The following SRPK2 variants were observed in gnomAD, a reference collection of about 807,000 sequenced individuals.
The protein encoded by SRPK2 is SFRS protein kinase 2.
In SRPK2, 21 loss-of-function variants were observed where a neutral mutation model predicts 90.8. The observed-to-expected ratio is 0.23, with a 90% CI of 0.16 to 0.33. The LOEUF (loss-of-function observed/expected upper bound fraction) is 0.33. Among genes scored for constraint, SRPK2 ranks in the 10% least tolerant of loss-of-function variants. The pLI, the probability that SRPK2 is intolerant of heterozygous loss-of-function variation, is 1.00. For missense variants in SRPK2, 620 were observed against 869.0 expected (o/e 0.71, Z 3.60); for synonymous variants, 288 against 311.1 (o/e 0.93, Z 0.78).
chr7:105,287,118 G>A (rs879837409), intron 2 of SRPK2, among the ~76,000 whole-genome samples: 17 of 151,126 alleles, frequency 1.1e-4, no homozygotes, highest in South Asian at 8.4e-4. Context: ...AAAATTAGCC[G>A]GGCGTAGTGG....
intron 2 of SRPK2, among the ~76,000 whole-genome samples, chr7:105,313,290 C>G (rs772040152): frequency 2.7e-5 from 4 of 150,872 alleles, no homozygotes; most frequent in African/African-American, 9.8e-5. Flanking sequence ...TACCAAAATA[C>G]AAAAAAATTA....
chr7:105,383,609 G>A (rs775331369), intron 2 of SRPK2, among the ~76,000 whole-genome samples: 3 of 150,912 alleles, frequency 2.0e-5, no homozygotes, highest in African/African-American at 4.9e-5. Context: ...TAGTAGAGAC[G>A]GGGTTTCACC....
At chr7:105,234,201 A>G (rs1198254887) in intron 2 of SRPK2, among the ~76,000 whole-genome samples, 4 of 152,212 alleles carry the variant, frequency 2.6e-5, no homozygotes, top group African/African-American at 4.8e-5. Context: ...GAAAAAGACT[A>G]CAAAGATTTA....
intron 2 of SRPK2, among the ~76,000 whole-genome samples, chr7:105,295,759 A>G (rs557882721): frequency 6.6e-6 from 1 of 152,304 alleles, no homozygotes; most frequent in African/African-American, 2.4e-5. Context: ...TGTGGTTAAG[A>G]TGGTTTTATG....
intron 3 of SRPK2, among the ~76,000 whole-genome samples, chr7:105,182,428 C>T (rs1792989791): frequency 6.8e-6 from 1 of 148,102 alleles, no homozygotes; most frequent in Admixed American, 6.8e-5. Flanking sequence ...TTGTGCAAAA[C>T]TTGTGACTTT....
intron 2 of SRPK2, among the ~76,000 whole-genome samples, chr7:105,294,283 C>CA (rs1169013395): frequency 6.6e-6 from 1 of 152,202 alleles, no homozygotes. Flanking sequence ...ACTCAGTATT[C>CA]AACATTTTGT....
chr7:105,324,373 A>G (rs1404004215), intron 2 of SRPK2, among the ~76,000 whole-genome samples: 2 of 151,308 alleles, frequency 1.3e-5, no homozygotes, highest in Admixed American at 6.6e-5. Flanking sequence ...CCCAGGCTGG[A>G]GTGCAATGGC....
At chr7:105,203,584 C>T in intron 3 of SRPK2, 44 bp downstream of exon 3, 1 of 1,454,846 alleles carries the variant, frequency 6.9e-7, no homozygotes, top group Admixed American at 2.6e-5. Flanking sequence ...CTACACAGCC[C>T]AATGGGGAAG....
At chr7:105,157,993 G>A (rs563298765) in intron 7 of SRPK2, among the ~76,000 whole-genome samples, 1 of 152,308 alleles carries the variant, frequency 6.6e-6, no homozygotes, top group African/African-American at 2.4e-5. Context: ...TAGAGCCCAG[G>A]AGGCCAAGGC....
At chr7:105,258,394 G>T (rs1295784143) in intron 2 of SRPK2, among the ~76,000 whole-genome samples, 4 of 133,900 alleles carry the variant, frequency 3.0e-5, no homozygotes, top group Non-Finnish European at 4.7e-5. Flanking sequence ...TCCAACCTGG[G>T]TAACAAGAGC....
At chr7:105,251,423 TG>T (rs2129631218) in intron 2 of SRPK2, among the ~76,000 whole-genome samples, 1 of 152,230 alleles carries the variant, frequency 6.6e-6, no homozygotes, top group East Asian at 1.9e-4. Context: ...AGGCTGGTCT[TG>T]AACTCCTGGG....
At chr7:105,200,895 C>A (rs1454166154) in intron 3 of SRPK2, among the ~76,000 whole-genome samples, 1 of 152,198 alleles carries the variant, frequency 6.6e-6, no homozygotes, top group Non-Finnish European at 1.5e-5. Flanking sequence ...ATGGACAACA[C>A]TGGGCAACTG....
intron 3 of SRPK2, among the ~76,000 whole-genome samples, chr7:105,191,933 T>C (rs1428715209): frequency 6.6e-6 from 1 of 151,924 alleles, no homozygotes; most frequent in East Asian, 1.9e-4. Context: ...CCAGGCTGTC[T>C]TGAACTCCTG....
intron 2 of SRPK2, among the ~76,000 whole-genome samples, chr7:105,289,001 A>C (rs1585551442): frequency 6.6e-6 from 1 of 151,896 alleles, no homozygotes; most frequent in Admixed American, 6.6e-5. Flanking sequence ...TCACGCCTGT[A>C]ATCTCAGCAC....
At chr7:105,368,320 C>T (rs1819310667) in intron 2 of SRPK2, among the ~76,000 whole-genome samples, 2 of 152,262 alleles carry the variant, frequency 1.3e-5, no homozygotes, top group Middle Eastern at 3.4e-3. Flanking sequence ...CATGATAAAA[C>T]CGTGCAGGTC....
Position 105,143,113 on chromosome 7 carries a change from G to T in SRPK2, c.1031C>A (p.Ala344Glu). Residue 344 changes from alanine to glutamate, a missense_variant, in exon 10 of 16, where the codon GCG becomes GAG. This residue lies in a region of SRPK2 where 243 missense variants were observed against 245.7 expected (regional missense o/e 0.99). Coordinates refer to ENST00000393651, the MANE Select transcript of SRPK2 (RefSeq NM_182692.3). Reference sequence around the variant, plus strand: ...GTCCTTTGCAGTCTCTGCCTCAGCCGCCTCCTCTAATCCTGTTGTTTTTAG... The same window carrying T: ...GTCCTTTGCAGTCTCTGCCTCAGCCTCCTCCTCTAATCCTGTTGTTTTTAG... ...VKLKTTGLEEAAEAETAKDNG... is the reference protein window; with the variant it reads ...VKLKTTGLEEEAEAETAKDNG... 1 of 1,614,064 alleles carries T rather than the reference G, an allele frequency of 6.2e-7. No homozygotes were observed. The highest frequency in any genetic ancestry group is 8.5e-7 in the Non-Finnish European group (1 of 1,179,978).
chr7:105,252,775 C>T (rs1251226166), intron 2 of SRPK2, among the ~76,000 whole-genome samples: 1 of 149,728 alleles, frequency 6.7e-6, no homozygotes, highest in Non-Finnish European at 1.5e-5. Context: ...CAGAGTCTCC[C>T]TCTGTTGCCC....
At chr7:105,136,463 A>C (rs1802819098) in intron 11 of SRPK2, among the ~76,000 whole-genome samples, 1 of 152,234 alleles carries the variant, frequency 6.6e-6, no homozygotes, top group Non-Finnish European at 1.5e-5. Flanking sequence ...TCTTCCTTCC[A>C]AAATGAAAAG....
At chr7:105,165,188 G>C (rs970451616) in intron 6 of SRPK2, among the ~76,000 whole-genome samples, 1 of 152,164 alleles carries the variant, frequency 6.6e-6, no homozygotes, top group Non-Finnish European at 1.5e-5. Context: ...GTAGAGGAAG[G>C]ATAAGGATAA....
Sources: allele counts gnomAD v4.1 joint callset (sites outside exome capture counted in the v4.1 genomes callset), GRCh38; gene constraint gnomAD v4.1.1; regional missense constraint gnomAD v4.1.1; transcripts MANE v1.5; gene names NCBI Gene and HGNC (gene_info 2026-07-23, HGNC 2026-07-21).